Variants in MAMDC2 observed in about 807,000 individuals in gnomAD.
MAMDC2 encodes MAM domain-containing protein 2.
In MAMDC2, 57 loss-of-function variants were observed where a neutral mutation model predicts 89.8. The ratio of observed to expected loss-of-function variants is 0.63; its 90% confidence interval spans 0.51 to 0.79. MAMDC2 has a LOEUF of 0.79. MAMDC2 is among the 30% of genes least tolerant of loss of function. The pLI, the probability that MAMDC2 is intolerant of heterozygous loss-of-function variation, is 0.00. For missense variants in MAMDC2, 800 were observed against 820.6 expected, an observed-to-expected ratio of 0.97 and a Z score of 0.31; for synonymous variants, 313 against 293.4, an observed-to-expected ratio of 1.07 and a Z score of -0.68.
intron 9 of MAMDC2, among the ~76,000 whole-genome samples, chr9:70,162,789 G>GTA (rs2032019046): frequency 6.6e-6 from 1 of 151,742 alleles, no homozygotes; most frequent in Non-Finnish European, 1.5e-5. Context: ...GGACTCGTGG[G>GTA]TACTTTAACC....
rs925010354 is a variant in MAMDC2 at position 70,044,568 on chromosome 9, C to T, written c.35-16C>T. 1.3e-6 allele frequency: 2 copies of T among 1,545,558 alleles called. No homozygotes were observed. The highest frequency in any genetic ancestry group is 1.7e-6 in the Non-Finnish European group (2 of 1,144,594). On this transcript the variant is annotated splice_polypyrimidine_tract_variant and intron_variant, in intron 1 of 13. Transcript: ENST00000377182. Reference sequence around the variant, plus strand: ...CCTGGGTGGAGCTCGAACTGAAACTCGCTTTGTGCCCGCAGCCCTGCAGCT... The same window carrying T: ...CCTGGGTGGAGCTCGAACTGAAACTTGCTTTGTGCCCGCAGCCCTGCAGCT...
chr9:70,206,347 C>T (rs748052357), intron 11 of MAMDC2, among the ~76,000 whole-genome samples: 1 of 152,156 alleles, frequency 6.6e-6, no homozygotes, highest in Non-Finnish European at 1.5e-5. Flanking sequence ...AAATTTATCA[C>T]AGGTATATGT....
chr9:70,186,360 T>C (rs1188903428), intron 11 of MAMDC2, among the ~76,000 whole-genome samples: 1 of 152,022 alleles, frequency 6.6e-6, no homozygotes, highest in Non-Finnish European at 1.5e-5. Flanking sequence ...ATTCTTTCAG[T>C]TTTTGTTTGT....
intron 11 of MAMDC2, among the ~76,000 whole-genome samples, chr9:70,183,857 A>G (rs2032694885): frequency 6.6e-6 from 1 of 152,022 alleles, no homozygotes; most frequent in South Asian, 2.1e-4. Context: ...TAAGATTAAT[A>G]TTGTTATTTG....
intron 2 of MAMDC2, among the ~76,000 whole-genome samples, chr9:70,067,189 T>C (rs1047034563): frequency 6.6e-6 from 1 of 151,930 alleles, no homozygotes; most frequent in African/African-American, 2.4e-5. Context: ...GTGTCTAGTA[T>C]CCAGAAAAAG....
intron 2 of MAMDC2, among the ~76,000 whole-genome samples, chr9:70,057,758 C>A (rs549290538): frequency 6.6e-6 from 1 of 152,238 alleles, no homozygotes; most frequent in Non-Finnish European, 1.5e-5. Context: ...CAAAAGGCAC[C>A]GGATTTTAGA....
In MAMDC2 at chr9:70,140,118, C is replaced by A; in HGVS notation, c.995-27C>A. On this transcript the variant is annotated intron_variant, in intron 7 of 13. Transcript: ENST00000377182. The stretch of plus-strand genomic sequence containing the variant: ...AGTCCTTTGAGATCTTTGGGACTGT[C>A]ATTAACTTTGCTTGTCCTTTGCTCA... 1.9e-6 allele frequency: 3 copies of A among 1,540,320 alleles called. No individual in the cohort carries two copies. The South Asian group carries it at 3.9e-5, about 20-fold the overall frequency.
rs2033643918 is a variant in MAMDC2 at position 70,226,690 on chromosome 9, CT to C, written c.*661del. ...CTTCTTTATTCCCCCTTTGAACTAC[CT>C]TTGAAGTCACTATGAGCACATGGAT... On this transcript the variant is annotated 3_prime_UTR_variant, in exon 14 of 14. Coordinates refer to ENST00000377182, the MANE Select transcript of MAMDC2 (RefSeq NM_153267.5). 1 of 152,292 alleles carries C rather than the reference CT, an allele frequency of 6.6e-6. No homozygotes were observed. The highest frequency in any genetic ancestry group is 6.5e-5 in the Admixed American group (1 of 15,272). The allele number at this position is 152,292 out of a possible 1,614,324, so 9.4% of individuals were successfully genotyped here.
intron 7 of MAMDC2, among the ~76,000 whole-genome samples, chr9:70,136,977 C>G (rs977818947): frequency 1.3e-5 from 2 of 152,110 alleles, no homozygotes; most frequent in African/African-American, 4.8e-5. Flanking sequence ...GCTAATCTAC[C>G]CATCTTAGAG....
At chr9:70,146,467 A>G (rs1255982514) in intron 9 of MAMDC2, among the ~76,000 whole-genome samples, 1 of 152,218 alleles carries the variant, frequency 6.6e-6, no homozygotes, top group Non-Finnish European at 1.5e-5. Flanking sequence ...TCAGAGAGCA[A>G]AAGAACCATT....
chr9:70,223,844 G>A (rs2033605852), intron 12 of MAMDC2, among the ~76,000 whole-genome samples: 1 of 152,100 alleles, frequency 6.6e-6, no homozygotes, highest in Non-Finnish European at 1.5e-5. Flanking sequence ...TAATCCTATT[G>A]TCAATGTAGA....
Position 70,109,813 on chromosome 9 carries a change from G to C in MAMDC2, c.505+9G>C, listed in dbSNP as rs1189466471. 2.5e-6 allele frequency: 4 copies of C among 1,604,250 alleles called. No individual in the cohort carries two copies. Among genetic ancestry groups the C allele is most frequent in the Non-Finnish European group, 3.4e-6 (4 of 1,171,894 alleles). ...AACCGGCTACTGTATTGGTAAGTGGGCTTCATTTTCATTAAATCAAATTGT... is the reference window on the plus strand; with the variant it reads ...AACCGGCTACTGTATTGGTAAGTGGCCTTCATTTTCATTAAATCAAATTGT... On this transcript the variant is annotated intron_variant, in intron 4 of 13. Coordinates refer to ENST00000377182, the MANE Select transcript of MAMDC2 (RefSeq NM_153267.5).
chr9:70,096,604 G>A (rs1828034873), intron 2 of MAMDC2, among the ~76,000 whole-genome samples: 1 of 152,150 alleles, frequency 6.6e-6, no homozygotes. Flanking sequence ...TCTCTTGGCT[G>A]GGCATATTGC....
chr9:70,092,090 A>G (rs768911361), intron 2 of MAMDC2, among the ~76,000 whole-genome samples: 1 of 152,208 alleles, frequency 6.6e-6, no homozygotes, highest in Non-Finnish European at 1.5e-5. Context: ...AACACCTATT[A>G]TGTTACTTGG....
intron 2 of MAMDC2, among the ~76,000 whole-genome samples, chr9:70,057,588 C>G (rs1184719664): frequency 6.6e-6 from 1 of 152,170 alleles, no homozygotes; most frequent in African/African-American, 2.4e-5. Context: ...GAGCATATTC[C>G]TGTCATAAAA....
At chr9:70,121,648 G>A (rs952254759) in intron 5 of MAMDC2, among the ~76,000 whole-genome samples, 2 of 151,442 alleles carry the variant, frequency 1.3e-5, no homozygotes, top group African/African-American at 4.9e-5. Flanking sequence ...GCAGATTAAA[G>A]GATTCTGTCT....
intron 2 of MAMDC2, among the ~76,000 whole-genome samples, chr9:70,096,531 C>A (rs577573833): frequency 2.6e-5 from 4 of 152,306 alleles, no homozygotes; most frequent in African/African-American, 9.6e-5. Context: ...CATTCAACAA[C>A]TTTCTCCATC....
intron 11 of MAMDC2, among the ~76,000 whole-genome samples, chr9:70,202,501 G>T (rs2118636644): frequency 6.6e-6 from 1 of 151,350 alleles, no homozygotes; most frequent in Middle Eastern, 3.4e-3. Flanking sequence ...GAATAGGTGT[G>T]GTGTGGTGCT....
In MAMDC2 at chr9:70,113,109, A is replaced by T; in HGVS notation, c.620A>T (p.Asp207Val). ...IRNVHSILPQDHTFKSELGHY... is the reference protein window; with the variant it reads ...IRNVHSILPQVHTFKSELGHY... ...AATGTCCACTCCATTCTCCCACAGG[A>T]TCACACCTTCAAGAGTGAACTGGGT... The change falls in exon 5 of 14, where the codon GAT becomes GTT. Residue 207 changes from aspartate to valine, a missense_variant. By Grantham distance (152) the Asp-to-Val change is radical. Transcript: ENST00000377182. The T allele has an allele frequency of 6.2e-7, 1 of 1,614,064 alleles. No homozygotes were observed. The highest frequency in any genetic ancestry group is 1.1e-5 in the South Asian group (1 of 91,084).
Sources: allele counts gnomAD v4.1 joint callset (sites outside exome capture counted in the v4.1 genomes callset), GRCh38; gene constraint gnomAD v4.1.1; transcripts MANE v1.5; gene names NCBI Gene and HGNC (gene_info 2026-07-23, HGNC 2026-07-21).